The following PTPRD variants were observed in gnomAD, a reference collection of about 807,000 sequenced individuals.
PTPRD encodes protein tyrosine phosphatase receptor type D, also known as receptor-type tyrosine-protein phosphatase delta.
In PTPRD, 34 loss-of-function variants were observed where a neutral mutation model predicts 214.5. The ratio of observed to expected loss-of-function variants is 0.16; its 90% confidence interval spans 0.12 to 0.21. PTPRD has a LOEUF of 0.21. PTPRD is among the 10% of genes least tolerant of loss of function. The pLI, the probability that PTPRD is intolerant of heterozygous loss-of-function variation, is 1.00. For missense variants in PTPRD, 2,545 were observed against 2,398.7 expected (o/e 1.06, Z -1.27); for synonymous variants, 1,128 against 845.7 (o/e 1.33, Z -5.79).
intron 10 of PTPRD, among the ~76,000 whole-genome samples, chr9:9,067,165 G>C (rs1275746894): frequency 6.6e-6 from 1 of 152,188 alleles, no homozygotes; most frequent in African/African-American, 2.4e-5. Flanking sequence ...GGGAGGTGGA[G>C]GTTACAGTGA....
chr9:9,767,503 A>AT (rs2154479756), intron 5 of PTPRD, among the ~76,000 whole-genome samples: 1 of 152,214 alleles, frequency 6.6e-6, no homozygotes, highest in East Asian at 1.9e-4. Context: ...ATTCTATCAG[A>AT]TGCAGTGTCA....
intron 6 of PTPRD, among the ~76,000 whole-genome samples, chr9:9,755,863 T>A (rs1034355019): frequency 6.6e-6 from 1 of 152,060 alleles, no homozygotes; most frequent in Non-Finnish European, 1.5e-5. Context: ...ATTTTACATA[T>A]ATAAACATAA....
At chr9:9,976,909 G>A (rs557205880) in intron 4 of PTPRD, among the ~76,000 whole-genome samples, 6 of 151,962 alleles carry the variant, frequency 3.9e-5, no homozygotes, top group East Asian at 3.9e-4. Context: ...TTGATTTGGC[G>A]ATTGGTTTGG....
intron 3 of PTPRD, among the ~76,000 whole-genome samples, chr9:10,275,717 G>T (rs146785772): frequency 3.9e-4 from 59 of 152,244 alleles, no homozygotes; most frequent in African/African-American, 1.3e-3. Flanking sequence ...TTGCAGGAGA[G>T]AATTCTTAGA....
intron 2 of PTPRD, among the ~76,000 whole-genome samples, chr9:10,449,614 T>A (rs1473676057): frequency 1.3e-5 from 2 of 148,528 alleles, no homozygotes; most frequent in East Asian, 2.0e-4. Context: ...CAGCCGCCCA[T>A]CGTCTGAGAT....
intron 10 of PTPRD, among the ~76,000 whole-genome samples, chr9:9,182,062 A>C (rs1441287099): frequency 1.3e-5 from 2 of 152,070 alleles, no homozygotes; most frequent in Non-Finnish European, 2.9e-5. Context: ...GGGGGTATCC[A>C]AGAAAGCTTT....
chr9:9,319,703 C>A (rs1232645216), intron 9 of PTPRD, among the ~76,000 whole-genome samples: 1 of 152,036 alleles, frequency 6.6e-6, no homozygotes, highest in African/African-American at 2.4e-5. Flanking sequence ...CTCAAAAATT[C>A]CAAAAAGAAG....
intron 8 of PTPRD, 103 bp downstream of exon 8, chr9:9,574,629 C>A (rs1299184205): frequency 6.6e-6 from 1 of 151,682 alleles, no homozygotes; most frequent in Non-Finnish European, 1.5e-5. Flanking sequence ...GGTTAAATAT[C>A]AAATGACTTA....
chr9:10,572,571 G>A (rs752879857), intron 2 of PTPRD, among the ~76,000 whole-genome samples: 3 of 152,192 alleles, frequency 2.0e-5, no homozygotes, highest in Admixed American at 6.5e-5. Flanking sequence ...GCATAAAGCT[G>A]TCAGCATGTA....
intron 6 of PTPRD, among the ~76,000 whole-genome samples, chr9:9,748,313 A>G (rs1435471410): frequency 6.6e-6 from 1 of 152,234 alleles, no homozygotes; most frequent in Non-Finnish European, 1.5e-5. Context: ...GAATGTTCAC[A>G]CCAGAATTGT....
intron 5 of PTPRD, among the ~76,000 whole-genome samples, chr9:9,778,106 AC>A (rs1284663298): frequency 6.6e-6 from 1 of 152,230 alleles, no homozygotes; most frequent in African/African-American, 2.4e-5. Context: ...TATTGACTAA[AC>A]TACCATAATA....
intron 9 of PTPRD, among the ~76,000 whole-genome samples, chr9:9,368,172 T>A (rs542764966): frequency 2.0e-5 from 3 of 151,792 alleles, no homozygotes; most frequent in Non-Finnish European, 4.4e-5. Flanking sequence ...ACGTTAGACC[T>A]GCATTTATAT....
At chr9:8,473,211 C>A (rs1459751682) in intron 30 of PTPRD, among the ~76,000 whole-genome samples, 1 of 152,166 alleles carries the variant, frequency 6.6e-6, no homozygotes, top group Non-Finnish European at 1.5e-5. Flanking sequence ...AGCAACTAAT[C>A]AACAGATACA....
At chr9:9,683,795 T>C (rs185397161) in intron 7 of PTPRD, among the ~76,000 whole-genome samples, 1 of 151,852 alleles carries the variant, frequency 6.6e-6, no homozygotes, top group East Asian at 1.9e-4. Flanking sequence ...TATAATTTTA[T>C]ACATAAAAAA....
chr9:9,735,315 C>A (rs1358304097), intron 6 of PTPRD, among the ~76,000 whole-genome samples: 1 of 152,024 alleles, frequency 6.6e-6, no homozygotes, highest in Non-Finnish European at 1.5e-5. Context: ...GAACTTCTAA[C>A]CATTATTATT....
chr9:10,358,916 G>C lies in PTPRD; in HGVS notation c.-599-17899C>G, dbSNP rs148901587. Among the ~76,000 whole-genome samples, 12 of 151,994 alleles carry C rather than the reference G, an allele frequency of 7.9e-5. No homozygotes were observed. The East Asian group carries it at 2.3e-3, about 29-fold the overall frequency. On this transcript the variant is annotated intron_variant, in intron 2 of 45. Coordinates refer to ENST00000381196, the MANE Select transcript of PTPRD (RefSeq NM_002839.4). The stretch of plus-strand genomic sequence containing the variant: ...GTGTATCTTCCATGGTTGCTGGTTG[G>C]TATACTGTAGTATGCAAAGGTCATT...
At chr9:9,596,402 T>C (rs891937066) in intron 7 of PTPRD, among the ~76,000 whole-genome samples, 1 of 151,866 alleles carries the variant, frequency 6.6e-6, no homozygotes, top group Non-Finnish European at 1.5e-5. Flanking sequence ...TCCTTAAGAG[T>C]CTTATAGGGA....
At chr9:9,947,559 ATATT>A (rs1164783048) in intron 4 of PTPRD, among the ~76,000 whole-genome samples, 40 of 42,984 alleles carry the variant, frequency 9.3e-4, no homozygotes, top group African/African-American at 4.7e-3. Context: ...TATTATATAT[ATATT>A]TTATATATAT....
intron 11 of PTPRD, among the ~76,000 whole-genome samples, chr9:8,974,511 TAGG>T (rs1012347559): frequency 2.0e-5 from 3 of 152,070 alleles, no homozygotes; most frequent in African/African-American, 7.2e-5. Flanking sequence ...ACCCATCATC[TAGG>T]ATATGCTCCT....
Sources: allele counts gnomAD v4.1 joint callset (sites outside exome capture counted in the v4.1 genomes callset), GRCh38; gene constraint gnomAD v4.1.1; transcripts MANE v1.5; gene names NCBI Gene and HGNC (gene_info 2026-07-23, HGNC 2026-07-21).